Variants in LRRC4C observed in about 807,000 individuals in gnomAD.
The protein encoded by LRRC4C is leucine rich repeat containing 4C, also known as leucine-rich repeat-containing protein 4C.
A neutral mutation model predicts 33.6 loss-of-function variants in LRRC4C; 5 were observed. The ratio of observed to expected loss-of-function variants is 0.15; its 90% CI spans 0.08 to 0.31. The LOEUF (loss-of-function observed/expected upper bound fraction) is 0.31. Ranked by LOEUF, LRRC4C falls within the 10% of genes least tolerant of loss-of-function variation. LRRC4C has a pLI of 1.00. For synonymous variants in LRRC4C, 329 were observed against 302.0 expected (o/e 1.09, Z -0.93); for missense variants, 560 against 796.7 (o/e 0.70, Z 3.58).
chr11:40,974,244 C>T (rs1351951963), intron 1 of LRRC4C, among the ~76,000 whole-genome samples: 1 of 152,112 alleles, frequency 6.6e-6, no homozygotes, highest in African/African-American at 2.4e-5. Flanking sequence ...TTCAGAAGGA[C>T]ATTTTCTTAT....
At chr11:40,290,986 C>T (rs573106376) in intron 4 of LRRC4C, among the ~76,000 whole-genome samples, 1 of 152,222 alleles carries the variant, frequency 6.6e-6, no homozygotes, top group South Asian at 2.1e-4. Flanking sequence ...TTTTGCCTGG[C>T]GTTCTGAGGC....
intron 1 of LRRC4C, among the ~76,000 whole-genome samples, chr11:41,362,398 G>T (rs1952386308): frequency 6.6e-6 from 1 of 152,114 alleles, no homozygotes; most frequent in African/African-American, 2.4e-5. Context: ...ACAATACTAA[G>T]CATATAAATA....
At chr11:41,284,942 G>A (rs1475515009) in intron 1 of LRRC4C, among the ~76,000 whole-genome samples, 1 of 152,194 alleles carries the variant, frequency 6.6e-6, no homozygotes, top group Non-Finnish European at 1.5e-5. Flanking sequence ...TGAGTCCACG[G>A]CTAAGGCAGG....
In LRRC4C at chr11:41,402,459, T is replaced by C. The variant is rs1954062271; in HGVS notation, c.-496+56972A>G. Among the ~76,000 whole-genome samples the C allele has an allele frequency of 2.0e-5, 3 of 152,074 alleles. No individual in the cohort carries two copies. The South Asian group carries it at 6.2e-4, about 31-fold the overall frequency. On this transcript the variant is annotated intron_variant, in intron 1 of 6. Transcript: ENST00000528697. ...TATGTCCATTGATAAAAGTATTCCT[T>C]TCAGCAGACATTTACTGAAGAGCTA... is the stretch of plus-strand genomic sequence containing the variant.
intron 5 of LRRC4C, among the ~76,000 whole-genome samples, chr11:40,141,104 T>C (rs565338715): frequency 6.6e-6 from 1 of 152,286 alleles, no homozygotes; most frequent in South Asian, 2.1e-4. Flanking sequence ...AATGTAGTCT[T>C]ATTAGATACA....
intron 1 of LRRC4C, among the ~76,000 whole-genome samples, chr11:40,938,250 A>G (rs1957992597): frequency 6.6e-6 from 1 of 152,126 alleles, no homozygotes; most frequent in Admixed American, 6.6e-5. Context: ...AAGAAAACGT[A>G]ATCTCCCTCT....
At chr11:41,436,357 G>A (rs1293247764) in intron 1 of LRRC4C, among the ~76,000 whole-genome samples, 1 of 152,122 alleles carries the variant, frequency 6.6e-6, no homozygotes, top group Non-Finnish European at 1.5e-5. Context: ...AGAGTGGCAG[G>A]ACCATGTTAT....
At chr11:41,413,977 A>T (rs1954586351) in intron 1 of LRRC4C, among the ~76,000 whole-genome samples, 1 of 152,134 alleles carries the variant, frequency 6.6e-6, no homozygotes, top group Non-Finnish European at 1.5e-5. Context: ...CTTTCAAAGA[A>T]ACCTGCTTTA....
chr11:41,281,755 A>C (rs924269784), intron 1 of LRRC4C, among the ~76,000 whole-genome samples: 19 of 152,230 alleles, frequency 1.2e-4, no homozygotes, highest in Admixed American at 1.2e-3. Flanking sequence ...GTCAAGAGCT[A>C]CTTGTTCAAT....
chr11:40,333,646 G>A (rs1946459589), intron 3 of LRRC4C, among the ~76,000 whole-genome samples: 1 of 151,076 alleles, frequency 6.6e-6, no homozygotes, highest in Non-Finnish European at 1.5e-5. Flanking sequence ...GAACCCGGGA[G>A]GCGGAGGTTG....
intron 1 of LRRC4C, among the ~76,000 whole-genome samples, chr11:40,990,229 TTTTATATA>T (rs1260395600): frequency 2.7e-5 from 2 of 74,578 alleles, no homozygotes; most frequent in African/African-American, 1.0e-4. Flanking sequence ...GTATGTCAAG[TTTTATATA>T]TATATATATA....
chr11:41,026,281 A>T (rs992434731), intron 1 of LRRC4C, among the ~76,000 whole-genome samples: 12 of 151,672 alleles, frequency 7.9e-5, no homozygotes, highest in Non-Finnish European at 3.0e-5. Flanking sequence ...CAAGACGTTC[A>T]TTCCAACCAT....
intron 3 of LRRC4C, among the ~76,000 whole-genome samples, chr11:40,575,824 C>T (rs182365136): frequency 2.0e-5 from 3 of 152,102 alleles, no homozygotes; most frequent in Non-Finnish European, 4.4e-5. Context: ...ATACCACTTT[C>T]ACAAATAATA....
At chr11:41,226,266 G>GA (rs1044800507) in intron 1 of LRRC4C, among the ~76,000 whole-genome samples, 39 of 151,974 alleles carry the variant, frequency 2.6e-4, no homozygotes, top group African/African-American at 9.2e-4. Context: ...ATCGTTCATA[G>GA]AAAAAATCTC....
chr11:41,393,304 A>G (rs1374848231), intron 1 of LRRC4C, among the ~76,000 whole-genome samples: 1 of 151,846 alleles, frequency 6.6e-6, no homozygotes, highest in Non-Finnish European at 1.5e-5. Context: ...TGCTCAATGG[A>G]TCTGTGACAC....
chr11:40,549,034 C>T (rs1023663048), intron 3 of LRRC4C, among the ~76,000 whole-genome samples: 1 of 152,086 alleles, frequency 6.6e-6, no homozygotes, highest in African/African-American at 2.4e-5. Flanking sequence ...ATATTAAAAT[C>T]CAAATGTGTT....
In LRRC4C at chr11:41,297,127, T is replaced by A. The variant is rs372915500; in HGVS notation, c.-496+162304A>T. The stretch of plus-strand genomic sequence containing the variant: ...ATTTTGTCAAATGTTTCTTTCTCTG[T>A]CAATTGAGATGATCATGTGGTTTTT... On this transcript the variant is annotated intron_variant, in intron 1 of 6. Coordinates refer to ENST00000528697, the MANE Select transcript of LRRC4C (RefSeq NM_001258419.2). Among the ~76,000 whole-genome samples, 12 of 152,352 alleles carry A rather than the reference T, an allele frequency of 7.9e-5. No homozygotes were observed. In the East Asian group the frequency reaches 9.6e-4, roughly 12 times the overall value.
intron 3 of LRRC4C, among the ~76,000 whole-genome samples, chr11:40,412,535 C>G (rs919624423): frequency 6.6e-6 from 1 of 152,084 alleles, no homozygotes; most frequent in African/African-American, 2.4e-5. Context: ...TGCATCTCCT[C>G]TTTTTCATTT....
At chr11:41,052,257 C>T (rs1222681255) in intron 1 of LRRC4C, among the ~76,000 whole-genome samples, 1 of 152,108 alleles carries the variant, frequency 6.6e-6, no homozygotes. Flanking sequence ...AAAGTCATTG[C>T]TCATAATTTG....
Sources: gnomAD v4.1 joint callset for allele counts (sites outside exome capture counted in the v4.1 genomes callset) on GRCh38, gnomAD v4.1.1 for gene constraint, MANE v1.5 for transcripts, NCBI Gene and HGNC (gene_info 2026-07-23, HGNC 2026-07-21) for gene names.